The following HPSE2 variants were observed in gnomAD, a reference collection of about 807,000 sequenced individuals.
HPSE2 encodes inactive heparanase-2.
HPSE2 carries 38 observed loss-of-function variants against 60.5 expected under a neutral mutation model. That is an observed-to-expected ratio of 0.63 (90% CI 0.48 to 0.82). The LOEUF is 0.82. Ranked by LOEUF, HPSE2 falls within the 40% of genes least tolerant of loss-of-function variation. HPSE2 has a pLI of 0.00. For missense variants in HPSE2, 713 were observed against 740.4 expected (o/e 0.96, Z 0.43); for synonymous variants, 295 against 293.2 (o/e 1.01, Z -0.06).
intron 6 of HPSE2, among the ~76,000 whole-genome samples, chr10:98,662,227 G>A (rs981518389): frequency 1.4e-4 from 21 of 152,122 alleles, no homozygotes; most frequent in Admixed American, 1.3e-3. Context: ...ATTTGTTGTA[G>A]CATTTTTCCA....
chr10:98,633,397 A>G (rs1946416460), intron 7 of HPSE2, among the ~76,000 whole-genome samples: 2 of 151,932 alleles, frequency 1.3e-5, no homozygotes, highest in African/African-American at 4.8e-5. Flanking sequence ...GTGTGTGTGT[A>G]GATATGGGGT....
chr10:98,978,429 TATA>T (rs796974567), intron 3 of HPSE2, among the ~76,000 whole-genome samples: 11 of 152,312 alleles, frequency 7.2e-5, no homozygotes, highest in African/African-American at 2.6e-4. Flanking sequence ...TTCCTTCTGT[TATA>T]ATATTAATTA....
intron 9 of HPSE2, among the ~76,000 whole-genome samples, chr10:98,560,254 A>T (rs1944133230): frequency 6.6e-6 from 1 of 152,100 alleles, no homozygotes. Context: ...AGCACAGCAG[A>T]TCCTAGATAC....
intron 3 of HPSE2, among the ~76,000 whole-genome samples, chr10:99,030,056 G>C (rs528949772): frequency 6.6e-6 from 1 of 152,266 alleles, no homozygotes; most frequent in East Asian, 1.9e-4. Context: ...TTGTCTTCTG[G>C]TCACTTCTCA....
intron 9 of HPSE2, among the ~76,000 whole-genome samples, chr10:98,505,703 G>A (rs182349426): frequency 7.2e-5 from 11 of 152,212 alleles, no homozygotes; most frequent in Admixed American, 1.3e-4. Context: ...TTGGTCTGGG[G>A]TACTTATGAG....
At chr10:98,545,692 T>C (rs1943646747) in intron 9 of HPSE2, among the ~76,000 whole-genome samples, 1 of 152,002 alleles carries the variant, frequency 6.6e-6, no homozygotes, top group East Asian at 1.9e-4. Context: ...CCCACGCCAA[T>C]ATCATACTGA....
At chr10:98,884,529 T>G (rs1953112725) in intron 3 of HPSE2, among the ~76,000 whole-genome samples, 1 of 152,128 alleles carries the variant, frequency 6.6e-6, no homozygotes, top group Non-Finnish European at 1.5e-5. Context: ...TCATTTACCA[T>G]TTCAAAAATC....
At chr10:98,946,789 T>C (rs1420979436) in intron 3 of HPSE2, among the ~76,000 whole-genome samples, 2 of 152,042 alleles carry the variant, frequency 1.3e-5, no homozygotes, top group Non-Finnish European at 2.9e-5. Flanking sequence ...TAGTATCTAT[T>C]GTACTATGGT....
intron 3 of HPSE2, among the ~76,000 whole-genome samples, chr10:98,831,774 C>T (rs983168960): frequency 2.0e-5 from 3 of 152,176 alleles, no homozygotes; most frequent in Admixed American, 2.0e-4. Context: ...TAAGCAGCCT[C>T]AGGTGATTCT....
intron 3 of HPSE2, among the ~76,000 whole-genome samples, chr10:98,964,047 G>C (rs920367008): frequency 6.6e-6 from 1 of 152,086 alleles, no homozygotes; most frequent in Non-Finnish European, 1.5e-5. Flanking sequence ...AGAAGAGCAC[G>C]TCTATTACTA....
the HPSE2 span, among the ~76,000 whole-genome samples, chr10:99,277,560 T>C: frequency 2.0e-5 from 3 of 152,110 alleles, no homozygotes; most frequent in African/African-American, 7.2e-5. Context: ...CATGAGCCCT[T>C]CTACCCCTGA....
chr10:99,048,908 A>C (rs1957924494), intron 3 of HPSE2, among the ~76,000 whole-genome samples: 1 of 152,212 alleles, frequency 6.6e-6, no homozygotes, highest in African/African-American at 2.4e-5. Flanking sequence ...ATAAAAAAGA[A>C]TCAAATCCTG....
At chr10:98,922,698 C>G (rs1954318194) in intron 3 of HPSE2, among the ~76,000 whole-genome samples, 1 of 152,236 alleles carries the variant, frequency 6.6e-6, no homozygotes, top group South Asian at 2.1e-4. Flanking sequence ...TAATATACTT[C>G]AAGTATGGCC....
At chr10:98,638,498 G>A (rs554892602) in intron 7 of HPSE2, among the ~76,000 whole-genome samples, 5 of 152,096 alleles carry the variant, frequency 3.3e-5, no homozygotes, top group Admixed American at 6.5e-5. Context: ...TCTCTGAAAT[G>A]GTTTGAGGAA....
chr10:99,282,253 C>T, the HPSE2 span, among the ~76,000 whole-genome samples: 2 of 151,094 alleles, frequency 1.3e-5, no homozygotes, highest in East Asian at 3.9e-4. Flanking sequence ...CACAAGACTC[C>T]GTCTCAAAAA....
chr10:99,144,391 G>A lies in HPSE2; in HGVS notation c.457C>T (p.Arg153Ter), dbSNP rs267606865. 9.9e-6 allele frequency: 16 copies of A among 1,613,266 alleles called. No homozygotes were observed. The highest frequency in any genetic ancestry group is 1.1e-5 in the South Asian group (1 of 91,018). Residue 153 changes from arginine to a stop codon, truncating the protein, a stop_gained, in exon 3 of 12, where the codon CGA (arginine) becomes TGA (stop). Coordinates refer to ENST00000370552, the MANE Select transcript of HPSE2 (RefSeq NM_021828.5). LOFTEE classifies it high-confidence loss of function. Reference sequence around the variant, plus strand: ...TGTTTATCTAAGGCAACATCACTTCGAACAATGTCTACAAAAAGAAAGAAA... The same window carrying A: ...TGTTTATCTAAGGCAACATCACTTCAAACAATGTCTACAAAAAGAAAGAAA... ...YLKNYEDDIV[R>*]SDVALDKQKG... is the part of the protein sequence containing the mutation.
chr10:99,201,528 T>C (rs766148079), intron 2 of HPSE2, among the ~76,000 whole-genome samples: 5 of 152,046 alleles, frequency 3.3e-5, no homozygotes, highest in African/African-American at 4.8e-5. Context: ...CTGTCTCAGA[T>C]TGTCTTCCAC....
At chr10:99,063,586 C>T (rs1842517855) in intron 3 of HPSE2, among the ~76,000 whole-genome samples, 1 of 152,160 alleles carries the variant, frequency 6.6e-6, no homozygotes, top group African/African-American at 2.4e-5. Context: ...AACCTTTAGT[C>T]TATCAATTCT....
chr10:99,279,152 G>A, the HPSE2 span, among the ~76,000 whole-genome samples: 2 of 152,102 alleles, frequency 1.3e-5, no homozygotes, highest in Non-Finnish European at 2.9e-5. Context: ...TGCAATTGTT[G>A]TTCTTTTTGA....
Sources: allele counts gnomAD v4.1 joint callset (sites outside exome capture counted in the v4.1 genomes callset), GRCh38; gene constraint gnomAD v4.1.1; transcripts MANE v1.5; gene names NCBI Gene and HGNC (gene_info 2026-07-23, HGNC 2026-07-21).